PARVB: variants seen among roughly 807,000 people sequenced by gnomAD.
PARVB encodes the protein parvin beta.
A neutral mutation model predicts 47.0 loss-of-function variants in PARVB; 46 were observed. The observed-to-expected ratio is 0.98, with a 90% CI of 0.77 to 1.25. The LOEUF (loss-of-function observed/expected upper bound fraction) is 1.25, where lower values mean the gene tolerates loss of function less well. Among genes scored for constraint, PARVB ranks in the 50% most tolerant of loss-of-function variants. PARVB has a pLI of 0.00. For synonymous variants in PARVB, 196 were observed against 196.3 expected (o/e 1.00, Z 0.01); for missense variants, 473 against 471.6 (o/e 1.00, Z -0.03).
intron 1 of PARVB, among the ~76,000 whole-genome samples, chr22:44,048,246 G>A (rs903439544): frequency 2.6e-5 from 4 of 152,166 alleles, no homozygotes; most frequent in Non-Finnish European, 4.4e-5. Flanking sequence ...CACTTGTCTC[G>A]TTGAGCAAAT....
intron 11 of PARVB, among the ~76,000 whole-genome samples, chr22:44,159,638 C>T (rs2147172912): frequency 6.6e-6 from 1 of 152,350 alleles, no homozygotes; most frequent in East Asian, 1.9e-4. Context: ...AGTTCCTCCT[C>T]CAGCCCCTGC....
At chr22:44,046,357 G>A (rs2051111695) in intron 1 of PARVB, among the ~76,000 whole-genome samples, 1 of 152,242 alleles carries the variant, frequency 6.6e-6, no homozygotes, top group African/African-American at 2.4e-5. Flanking sequence ...GGTGCTAGGA[G>A]ATGCGTCCTG....
intron 10 of PARVB, chr22:44,153,298 G>C (rs1337603807): frequency 6.6e-6 from 1 of 151,974 alleles, no homozygotes; most frequent in Non-Finnish European, 1.5e-5. Flanking sequence ...GTTCATGGTT[G>C]GATGTGTATT....
intron 6 of PARVB, among the ~76,000 whole-genome samples, chr22:44,135,126 C>T (rs6006493): frequency 0.22 from 32,852 of 152,110 alleles, 4,134 homozygotes; most frequent in East Asian, 0.45. Context: ...GCTGGCCCAG[C>T]GGGAAATGAG....
chr22:44,064,155 G>A (rs1159680486), intron 1 of PARVB, among the ~76,000 whole-genome samples: 2 of 152,154 alleles, frequency 1.3e-5, no homozygotes, highest in Non-Finnish European at 2.9e-5. Flanking sequence ...CATGTGTGAT[G>A]CTGGCCACGT....
At chr22:44,021,480 A>G (rs958584600), upstream of PARVB, among the ~76,000 whole-genome samples, 10 of 152,200 alleles carry the variant, frequency 6.6e-5, no homozygotes, top group Admixed American at 1.3e-4. Flanking sequence ...ATCCAACATG[A>G]TAACACAGGA....
In PARVB at chr22:44,136,338, C is replaced by T. The variant is rs1300010261; in HGVS notation, c.634-122C>T. ...CTGGCATGCGTGTTCAACACCACCC[C>T]TCCTTCTCCTGTTGCTCTTTTCTAA... On this transcript the variant is annotated intron_variant, in intron 6 of 12. Coordinates refer to ENST00000338758, the MANE Select transcript of PARVB (RefSeq NM_013327.5). 2.2e-5 allele frequency: 19 copies of T among 865,908 alleles called. No homozygotes were observed. In the East Asian group the frequency reaches 4.7e-4, roughly 21 times the overall value. 53.6% of individuals were successfully genotyped at this position (865,908 alleles called of 1,614,324 possible).
chr22:44,075,559 C>T (rs573783804), intron 1 of PARVB, among the ~76,000 whole-genome samples: 1 of 152,294 alleles, frequency 6.6e-6, no homozygotes, highest in Admixed American at 6.5e-5. Flanking sequence ...CCCATGGTAG[C>T]AGTGACACTG....
chr22:44,065,860 T>TGC (rs2051511530), intron 1 of PARVB, among the ~76,000 whole-genome samples: 1 of 56,750 alleles, frequency 1.8e-5, no homozygotes. Context: ...TGTGTGTGCA[T>TGC]GTGTGTGTGT....
chr22:44,149,092 CCT>C (rs1474589914), intron 9 of PARVB: 1 of 152,146 alleles, frequency 6.6e-6, no homozygotes, highest in Admixed American at 6.5e-5. Flanking sequence ...TACCCCCCAG[CCT>C]CAGTTTCCCC....
At chr22:44,083,449 A>G (rs1307753032) in intron 1 of PARVB, among the ~76,000 whole-genome samples, 1 of 152,116 alleles carries the variant, frequency 6.6e-6, no homozygotes. Flanking sequence ...CACAGTCCAC[A>G]ATCACATGAT....
At chr22:44,096,153 A>ATT in intron 2 of PARVB, among the ~76,000 whole-genome samples, 1 of 152,350 alleles carries the variant, frequency 6.6e-6, no homozygotes, top group Admixed American at 6.5e-5. Context: ...TGAATCCAGG[A>ATT]GGCGGAGGTT....
chr22:44,042,133 A>G (rs768193902), intron 1 of PARVB, among the ~76,000 whole-genome samples: 2 of 152,018 alleles, frequency 1.3e-5, no homozygotes, highest in Non-Finnish European at 2.9e-5. Context: ...TCACTTAAGA[A>G]AATCTAGGCT....
At chr22:44,168,575 CT>C (rs780049179) in intron 12 of PARVB, 26 bp from the exon 13 acceptor site, 1 of 1,554,206 alleles carries the variant, frequency 6.4e-7, no homozygotes, top group Non-Finnish European at 8.9e-7. Context: ...TGGCACGCCT[CT>C]GAAGTTTCTC....
intron 3 of PARVB, chr22:44,107,752 G>A (rs1317248369): frequency 1.3e-5 from 2 of 152,222 alleles, no homozygotes; most frequent in East Asian, 3.9e-4. Context: ...GAGAGCTTTG[G>A]CGCTGGGAAA....
chr22:44,120,309 A>G (rs1186252631), intron 4 of PARVB, among the ~76,000 whole-genome samples: 1 of 152,160 alleles, frequency 6.6e-6, no homozygotes, highest in African/African-American at 2.4e-5. Context: ...TGAATCACAC[A>G]TGAACGTTTG....
chr22:44,063,750 G>T (rs1302873325), intron 1 of PARVB, among the ~76,000 whole-genome samples: 1 of 152,130 alleles, frequency 6.6e-6, no homozygotes, highest in South Asian at 2.1e-4. Context: ...CAGAGGGCAT[G>T]GTCTGTGCCC....
chr22:44,132,870 C>T (rs932256513), intron 5 of PARVB, 24 bp from the exon 6 acceptor site: 12 of 1,542,702 alleles, frequency 7.8e-6, no homozygotes, highest in Middle Eastern at 3.4e-4. Flanking sequence ...TCTAAAGCGT[C>T]TCCCTTCCTC....
In PARVB at chr22:44,085,007, G is replaced by A. The variant is rs76362811; in HGVS notation, c.113-8921G>A. Among the ~76,000 whole-genome samples the A allele has an allele frequency of 6.0e-3, 917 of 152,356 alleles. 10 individuals are homozygous for A. Among genetic ancestry groups the A allele is most frequent in the African/African-American group, 0.02 (832 of 41,584 alleles). On this transcript the variant is annotated intron_variant, in intron 1 of 12. Transcript: ENST00000338758. ...TGTCTCCTCCTTACCTTCAGCCACT[G>A]GGCCTTGCATCAGTAATGCTGCTCT...
Sources: gnomAD v4.1 joint callset for allele counts (sites outside exome capture counted in the v4.1 genomes callset) on GRCh38, gnomAD v4.1.1 for gene constraint, MANE v1.5 for transcripts, NCBI Gene and HGNC (gene_info 2026-07-23, HGNC 2026-07-21) for gene names.